WDR1: variants seen among roughly 807,000 people sequenced by gnomAD.
The protein encoded by WDR1 is WD repeat-containing protein 1.
Under a neutral mutation model 71.9 loss-of-function variants are expected in WDR1, and 21 were observed. The observed-to-expected ratio is 0.29, with a 90% confidence interval of 0.21 to 0.42. The LOEUF (loss-of-function observed/expected upper bound fraction) is 0.42. WDR1 is among the 10% of genes least tolerant of loss of function. The probability of loss-of-function intolerance (pLI) is 1.00; values close to 1 mark genes in which losing one functional copy is unlikely to be tolerated. For missense variants in WDR1, 696 were observed against 824.5 expected, an observed-to-expected ratio of 0.84 and a Z score of 1.91; for synonymous variants, 424 against 347.4, an observed-to-expected ratio of 1.22 and a Z score of -2.45.
intron 3 of WDR1, among the ~76,000 whole-genome samples, chr4:10,103,356 G>A (rs1335075889): frequency 6.6e-6 from 1 of 151,370 alleles, no homozygotes; most frequent in African/African-American, 2.4e-5. Context: ...CCATGCCATG[G>A]CTTCCCGCAA....
rs775846868 is a variant in WDR1 at position 10,088,346 on chromosome 4, C to T, written c.664G>A (p.Glu222Lys). Residue 222 changes from glutamate to lysine, a missense_variant, in exon 7 of 15, where the codon GAG becomes AAG. By Grantham distance (56) the Glu-to-Lys change is moderately conservative (BLOSUM62 1). Coordinates refer to ENST00000499869, the MANE Select transcript of WDR1 (RefSeq NM_017491.5). Reference sequence around the variant, plus strand: ...CTTCCGCCCAGCGCGCACACCTTCTCCCCAGTCTTCCCGTCATAGATGTAT... The same window carrying T: ...CTTCCGCCCAGCGCGCACACCTTCTTCCCAGTCTTCCCGTCATAGATGTAT... ...QIYIYDGKTG[E>K]KVCALGGSKA... 1.5e-5 allele frequency: 24 copies of T among 1,558,884 alleles called. No individual in the cohort carries two copies. Among genetic ancestry groups the T allele is most frequent in the African/African-American group, 2.7e-5 (2 of 73,286 alleles).
chr4:10,106,141 T>C (rs893415302), intron 2 of WDR1, among the ~76,000 whole-genome samples: 1 of 151,834 alleles, frequency 6.6e-6, no homozygotes, highest in African/African-American at 2.4e-5. Flanking sequence ...CCCTCCGGAG[T>C]GACAGGAATG....
chr4:10,074,493 CTTTT>C lies in WDR1; in HGVS notation c.*881_*884del, dbSNP rs1560524097. 6.6e-6 allele frequency: 1 copy of C among 152,636 alleles called. No individual in the cohort carries two copies. The highest frequency in any genetic ancestry group is 2.4e-5 in the African/African-American group (1 of 41,438). The allele number at this position is 152,636 out of a possible 1,614,324, so 9.5% of individuals were successfully genotyped here. ...TCCCAATCACGGTGCTTTATACTTA[CTTTT>C]AATTTCTGCACTGAAAAAGAAAAGG... On this transcript the variant is annotated 3_prime_UTR_variant, in exon 15 of 15. Transcript: ENST00000499869.
intron 2 of WDR1, among the ~76,000 whole-genome samples, chr4:10,114,084 C>T (rs1713560154): frequency 6.6e-6 from 1 of 152,102 alleles, no homozygotes; most frequent in Non-Finnish European, 1.5e-5. Flanking sequence ...AAATCGTACC[C>T]ACCTTTACTT....
At position 10,077,424 on chromosome 4, in the gene WDR1, G is replaced by A. The variant is rs2109632128; in HGVS notation, c.1594C>T (p.His532Tyr). ...YSENNVFYGH[H>Y]AKIVCLAWSP... is the part of the protein sequence containing the mutation. Reference sequence around the variant, plus strand: ...CAGGCCAGGCAGACGATTTTTGCATGGTGTCCATAAAAAACATTGTTCTCC... The same window carrying A: ...CAGGCCAGGCAGACGATTTTTGCATAGTGTCCATAAAAAACATTGTTCTCC... Residue 532 changes from histidine (H) to tyrosine (Y), a missense_variant, in exon 14 of 15, where the codon CAT becomes TAT. Coordinates refer to ENST00000499869, the MANE Select transcript of WDR1 (RefSeq NM_017491.5). 6.2e-7 allele frequency: 1 copy of A among 1,613,952 alleles called. No homozygotes were observed. The highest frequency in any genetic ancestry group is 8.5e-7 in the Non-Finnish European group (1 of 1,179,852).
intron 3 of WDR1, among the ~76,000 whole-genome samples, chr4:10,101,351 C>T (rs2109683707): frequency 6.6e-6 from 1 of 152,378 alleles, no homozygotes; most frequent in South Asian, 2.1e-4. Context: ...TGCCAGGCAA[C>T]CCACTTAGTG....
intron 2 of WDR1, among the ~76,000 whole-genome samples, chr4:10,113,696 G>A (rs1260277328): frequency 1.3e-5 from 2 of 152,248 alleles, no homozygotes; most frequent in Non-Finnish European, 2.9e-5. Context: ...TTAGTCGTGG[G>A]TGGAGGCAGA....
intron 12 of WDR1, 36 bp downstream of exon 12, chr4:10,078,855 A>G: frequency 6.4e-7 from 1 of 1,568,390 alleles, no homozygotes; most frequent in South Asian, 1.1e-5. Flanking sequence ...CCAGATACCA[A>G]GGACAGAGAG....
intron 8 of WDR1, among the ~76,000 whole-genome samples, chr4:10,086,917 C>A (rs1005126097): frequency 6.6e-6 from 1 of 152,148 alleles, no homozygotes; most frequent in East Asian, 1.9e-4. Context: ...AGAGGAGGAC[C>A]TGAGGATACA....
At chr4:10,103,377 G>A (rs987841457) in intron 3 of WDR1, among the ~76,000 whole-genome samples, 66 of 151,944 alleles carry the variant, frequency 4.3e-4, no homozygotes, top group African/African-American at 1.6e-3. Flanking sequence ...AAGGTCCCTG[G>A]CCAACCTCAT....
At chr4:10,088,445 C>T in intron 6 of WDR1, 72 bp from the exon 7 acceptor site, 1 of 1,447,698 alleles carries the variant, frequency 6.9e-7, no homozygotes, top group South Asian at 1.2e-5. Flanking sequence ...TCTCCATGGA[C>T]TGTGGCTGTA....
At chr4:10,094,354 T>C (rs942517684) in intron 5 of WDR1, among the ~76,000 whole-genome samples, 6 of 152,198 alleles carry the variant, frequency 3.9e-5, no homozygotes, top group African/African-American at 1.4e-4. Flanking sequence ...AGGAAGCGGA[T>C]GGCCAGAGAG....
chr4:10,079,081 G>A (rs1433529671), intron 11 of WDR1, 80 bp from the exon 12 acceptor site: 3 of 1,193,134 alleles, frequency 2.5e-6, no homozygotes, highest in Non-Finnish European at 3.5e-6. Flanking sequence ...GCGCGTCCCT[G>A]TCGGGGCTCA....
intron 2 of WDR1, among the ~76,000 whole-genome samples, chr4:10,115,307 C>T (rs886152910): frequency 6.6e-6 from 1 of 152,186 alleles, no homozygotes; most frequent in Non-Finnish European, 1.5e-5. Flanking sequence ...CCAACAATTA[C>T]AGAGGAATAA....
intron 10 of WDR1, 125 bp from the exon 11 acceptor site, chr4:10,081,569 G>T (rs1337405189): frequency 1.4e-6 from 1 of 721,134 alleles, no homozygotes; most frequent in Non-Finnish European, 2.3e-6. Flanking sequence ...ACCTATACTG[G>T]AGAGACTTGC....
chr4:10,097,360 G>C (rs1250008681), intron 5 of WDR1, among the ~76,000 whole-genome samples: 5 of 152,268 alleles, frequency 3.3e-5, no homozygotes, highest in Non-Finnish European at 7.3e-5. Flanking sequence ...TGGTGGCTCA[G>C]CTAACAGCAG....
At chr4:10,077,532 G>A (rs892964993) in intron 13 of WDR1, 84 bp from the exon 14 acceptor site, 3 of 1,584,538 alleles carry the variant, frequency 1.9e-6, no homozygotes, top group East Asian at 2.2e-5. Context: ...CCCTCATGGC[G>A]ACAATAAGGA....
chr4:10,095,361 C>A (rs1712272030), intron 5 of WDR1, among the ~76,000 whole-genome samples: 1 of 152,248 alleles, frequency 6.6e-6, no homozygotes, highest in Non-Finnish European at 1.5e-5. Flanking sequence ...TCAATTAATT[C>A]CTGAGAACTT....
chr4:10,106,127 G>T (rs1712998881), intron 2 of WDR1, among the ~76,000 whole-genome samples: 1 of 151,956 alleles, frequency 6.6e-6, no homozygotes. Flanking sequence ...GGGGGCGGGG[G>T]GCACCCTCCG....
Sources: gnomAD v4.1 joint callset for allele counts (sites outside exome capture counted in the v4.1 genomes callset) on GRCh38, gnomAD v4.1.1 for gene constraint, MANE v1.5 for transcripts, NCBI Gene and HGNC (gene_info 2026-07-23, HGNC 2026-07-21) for gene names.